The following NELFA variants were observed in gnomAD, a reference collection of about 807,000 sequenced individuals.
NELFA encodes negative elongation factor complex member A.
A neutral mutation model predicts 51.8 loss-of-function variants in NELFA; 35 were observed. That is an observed-to-expected ratio of 0.68 (90% CI 0.52 to 0.90). NELFA has a LOEUF of 0.90. NELFA is among the 40% of genes least tolerant of loss of function. The pLI is 0.00. For synonymous variants in NELFA, 417 were observed against 338.4 expected (o/e 1.23, Z -2.55); for missense variants, 658 against 746.4 (o/e 0.88, Z 1.38).
chr4:1,983,163 G>A lies in NELFA; in HGVS notation c.*156C>T, dbSNP rs1474672184. On this transcript the variant is annotated 3_prime_UTR_variant, in exon 11 of 11. Transcript: ENST00000382882. ...AAAAATAAGCCCCAAATACCCCAGA[G>A]AAATGCATCCAGAACTTAAAACAGG... 4.8e-6 allele frequency: 3 copies of A among 624,072 alleles called. No individual in the cohort carries two copies. Among genetic ancestry groups the A allele is most frequent in the African/African-American group, 3.7e-5 (2 of 53,994 alleles). 38.7% of individuals were successfully genotyped at this position (624,072 alleles called of 1,614,324 possible). A position where few individuals can be genotyped will look rare whatever the true frequency, so the allele number is the denominator to read the frequency against.
At position 1,983,936 on chromosome 4, in the gene NELFA, G is replaced by A. The variant is rs985340023; in HGVS notation, c.1214C>T (p.Pro405Leu). The A allele has an allele frequency of 1.2e-6, 2 of 1,610,640 alleles. No homozygotes were observed. Among genetic ancestry groups the A allele is most frequent in the Non-Finnish European group, 1.7e-6 (2 of 1,178,818 alleles). ...LTPTTPPAVA[P>L]TTQTPPVAMV... ...GGCAACCGGGGGTGTCTGAGTGGTA[G>A]GGGCGACAGCCGGAGGTGTGGTGGG... The change falls in exon 9 of 11, where the codon CCT becomes CTT. Residue 405 changes from proline to leucine, a missense_variant. Pro to Leu is a moderately conservative substitution (Grantham distance 98). Around this residue, in one of 3 missense-constraint regions of NELFA, gnomAD observed 200 missense variants for 167.9 expected, o/e 1.19. Coordinates refer to ENST00000382882, the MANE Select transcript of NELFA (RefSeq NM_005663.5).
chr4:1,990,416 A>C (rs1728237060), intron 2 of NELFA: 1 of 456,560 alleles, frequency 2.2e-6, no homozygotes, highest in African/African-American at 2.0e-5. Flanking sequence ...TACGTGCCCC[A>C]CCTGGAGAAA....
At chr4:2,001,554 C>T (rs1231140864) in intron 1 of NELFA, among the ~76,000 whole-genome samples, 1 of 152,206 alleles carries the variant, frequency 6.6e-6, no homozygotes, top group Non-Finnish European at 1.5e-5. Flanking sequence ...AGGAATACAG[C>T]TAACAAGGGA....
At chr4:1,983,809 C>G in intron 9 of NELFA, 39 bp downstream of exon 9, 1 of 1,574,802 alleles carries the variant, frequency 6.3e-7, no homozygotes, top group Non-Finnish European at 8.6e-7. Context: ...GCCGTACCAC[C>G]TACCTGGTGG....
intron 1 of NELFA, among the ~76,000 whole-genome samples, chr4:2,002,183 A>G (rs547872746): frequency 3.2e-4 from 49 of 152,092 alleles, no homozygotes; most frequent in East Asian, 1.5e-3. Context: ...CTGGGCGACA[A>G]AGCGAGACTC....
At chr4:1,990,823 T>C (rs918787215) in intron 2 of NELFA, among the ~76,000 whole-genome samples, 10 of 152,210 alleles carry the variant, frequency 6.6e-5, no homozygotes, top group African/African-American at 9.6e-5. Flanking sequence ...TTTTAAGAGA[T>C]ACATTCTCAC....
In NELFA at chr4:2,002,001, C is replaced by A. The variant is rs1355969630; in HGVS notation, c.210+6749G>T. 2.6e-5 allele frequency among the ~76,000 whole-genome samples: 4 copies of A among 151,386 alleles called. No individual in the cohort carries two copies. In the South Asian group the frequency reaches 6.2e-4, roughly 24 times the overall value. ...GGATCATGAGGTCAGGAGATCGAGA[C>A]CATCCTGGCTAACACGGTGAAACCC... On this transcript the variant is annotated intron_variant, in intron 1 of 10. Transcript: ENST00000382882.
chr4:2,005,244 G>A (rs1032593843), intron 1 of NELFA, among the ~76,000 whole-genome samples: 2 of 151,892 alleles, frequency 1.3e-5, no homozygotes, highest in East Asian at 1.9e-4. Flanking sequence ...AAAACATTCC[G>A]AGTTCTCCCT....
chr4:2,002,189 G>C (rs1336687727), intron 1 of NELFA, among the ~76,000 whole-genome samples: 1 of 151,858 alleles, frequency 6.6e-6, no homozygotes, highest in Non-Finnish European at 1.5e-5. Flanking sequence ...GACAAAGCGA[G>C]ACTCCATCTC....
intron 1 of NELFA, among the ~76,000 whole-genome samples, chr4:1,993,604 A>AAAAAG (rs1728342633): frequency 6.6e-6 from 1 of 151,714 alleles, no homozygotes; most frequent in African/African-American, 2.4e-5. Flanking sequence ...AGAAAGAAAG[A>AAAAAG]AAAAGAAAAG....
At chr4:2,008,186 C>A (rs933464407) in intron 1 of NELFA, 4 of 375,946 alleles carry the variant, frequency 1.1e-5, no homozygotes, top group South Asian at 1.9e-5. Context: ...CGACGGGAAA[C>A]CCCGATGGGA....
rs1213654758 is a variant in NELFA at position 1,984,926 on chromosome 4, C to A, written c.925-7G>T. On this transcript the variant is annotated splice_region_variant and splice_polypyrimidine_tract_variant and intron_variant, in intron 7 of 10. Transcript: ENST00000382882. ...TGTTCAGGGACCCAAGTTTCTGGAACACAGAGTTTAAGGTTCCTTCCAGAA... is the reference window on the plus strand; with the variant it reads ...TGTTCAGGGACCCAAGTTTCTGGAAAACAGAGTTTAAGGTTCCTTCCAGAA... The A allele has an allele frequency of 1.3e-6, 2 of 1,558,952 alleles. No homozygotes were observed. The highest frequency in any genetic ancestry group is 1.2e-5 in the South Asian group (1 of 84,338).
intron 1 of NELFA, among the ~76,000 whole-genome samples, chr4:1,995,238 T>G (rs1268006962): frequency 6.6e-6 from 1 of 152,240 alleles, no homozygotes; most frequent in Non-Finnish European, 1.5e-5. Context: ...TCCTGGGTCT[T>G]GAGTCTCAGG....
At chr4:2,002,412 C>T (rs1366515964) in intron 1 of NELFA, among the ~76,000 whole-genome samples, 1 of 152,032 alleles carries the variant, frequency 6.6e-6, no homozygotes, top group Non-Finnish European at 1.5e-5. Context: ...AAAGAAGATC[C>T]CATATAGCCA....
chr4:1,992,010 G>A (rs763210630), intron 1 of NELFA: 14 of 324,442 alleles, frequency 4.3e-5, no homozygotes, highest in East Asian at 2.1e-4. Flanking sequence ...CCACCGGTGC[G>A]CAGATGCAAG....
At position 1,983,284 on chromosome 4, in the gene NELFA, CCCA is replaced by C. The variant is rs1377249681; in HGVS notation, c.*32_*34del. On this transcript the variant is annotated 3_prime_UTR_variant, in exon 11 of 11. Transcript: ENST00000382882. ...TGGCAAAGCCATCGTCCCGTGGACC[CCCA>C]CAAGTGACGGCCAGCTGTGAGGCAG... The C allele has an allele frequency of 2.5e-6, 4 of 1,592,858 alleles. No homozygotes were observed. In the South Asian group the frequency reaches 3.4e-5, roughly 13 times the overall value.
chr4:1,988,769 C>G (rs866925364), intron 3 of NELFA, among the ~76,000 whole-genome samples: 5 of 152,050 alleles, frequency 3.3e-5, no homozygotes, highest in African/African-American at 9.7e-5. Context: ...AAATATCTTT[C>G]AAGTGGAATT....
intron 1 of NELFA, among the ~76,000 whole-genome samples, chr4:1,996,064 C>G (rs987065817): frequency 6.6e-6 from 1 of 152,094 alleles, no homozygotes; most frequent in Non-Finnish European, 1.5e-5. Flanking sequence ...ATCCACTGAG[C>G]AATGGATTTC....
chr4:1,983,741 ACCT>A (rs1727980737), intron 9 of NELFA, 46 bp from the exon 10 acceptor site: 1 of 1,607,000 alleles, frequency 6.2e-7, no homozygotes, highest in Non-Finnish European at 8.5e-7. Context: ...CGCCAGGACC[ACCT>A]CCTGCATCCC....
Sources: gnomAD v4.1 joint callset for allele counts (sites outside exome capture counted in the v4.1 genomes callset) on GRCh38, gnomAD v4.1.1 for gene constraint, gnomAD v4.1.1 regional missense constraint, MANE v1.5 for transcripts, NCBI Gene and HGNC (gene_info 2026-07-23, HGNC 2026-07-21) for gene names.